Variants in MGST1 observed in about 807,000 individuals in gnomAD.
MGST1 encodes the protein microsomal glutathione S-transferase 1, also known as glutathione S-transferase 12.
Under a neutral mutation model 8.9 loss-of-function variants are expected in MGST1, and 5 were observed. That is an observed-to-expected ratio of 0.56 (90% confidence interval 0.29 to 1.19). MGST1 has a LOEUF of 1.19. Ranked by LOEUF, MGST1 falls within the 50% of genes most tolerant of loss-of-function variation. MGST1 has a pLI of 0.08. For synonymous variants in MGST1, 54 were observed against 67.8 expected (o/e 0.80, Z 1.00); for missense variants, 182 against 187.4 (o/e 0.97, Z 0.17).
At chr12:16,350,461 G>A (rs981203394) in intron 1 of MGST1, among the ~76,000 whole-genome samples, 2 of 152,002 alleles carry the variant, frequency 1.3e-5, no homozygotes, top group Non-Finnish European at 2.9e-5. Context: ...TTCATTCCTT[G>A]AATCCTCAAA....
chr12:16,496,844 C>T (rs1350613711), intron 4 of MGST1, among the ~76,000 whole-genome samples: 1 of 151,850 alleles, frequency 6.6e-6, no homozygotes, highest in African/African-American at 2.4e-5. Context: ...ATGCTGAATG[C>T]TGATAACAGG....
downstream of MGST1, among the ~76,000 whole-genome samples, chr12:16,441,519 T>C (rs543763076): frequency 6.6e-6 from 1 of 151,994 alleles, no homozygotes; most frequent in African/African-American, 2.4e-5. Flanking sequence ...TTGCTAGCGA[T>C]CATTGACTTT....
chr12:16,405,312 T>C (rs1476605026), intron 1 of MGST1, among the ~76,000 whole-genome samples: 1 of 151,898 alleles, frequency 6.6e-6, no homozygotes, highest in Non-Finnish European at 1.5e-5. Flanking sequence ...AACTAGATAA[T>C]CTAGAAGAAA....
rs1016584895 is a variant in MGST1 at position 16,546,893 on chromosome 12, C to T, written n.483-42635C>T. On this transcript the variant is annotated intron_variant and non_coding_transcript_variant, in intron 4 of 4. Transcript: ENST00000538857. This position sits in a 1 kb window ranked among gnomAD's most constrained non-coding sequence, Gnocchi z 4.7. ...TTGTGGTACCAAAATGCAAAACTGG[C>T]AATGATCATGCATATTTTAGTCTTC... is the stretch of plus-strand genomic sequence containing the variant. Among the ~76,000 whole-genome samples, 4 of 151,946 alleles carry T rather than the reference C, an allele frequency of 2.6e-5. No homozygotes were observed. The highest frequency in any genetic ancestry group is 5.9e-5 in the Non-Finnish European group (4 of 67,976).
chr12:16,426,714 G>A (rs1940892215), intron 1 of MGST1, among the ~76,000 whole-genome samples: 1 of 152,118 alleles, frequency 6.6e-6, no homozygotes, highest in Non-Finnish European at 1.5e-5. Context: ...CGCTTTGGGA[G>A]GCCGAGGCGG....
intron 4 of MGST1, among the ~76,000 whole-genome samples, chr12:16,554,646 C>G (rs1444050372): frequency 1.3e-5 from 2 of 152,270 alleles, no homozygotes; most frequent in East Asian, 3.9e-4. Flanking sequence ...TACTTTAAGT[C>G]CACTATATCT....
At chr12:16,565,544 T>G (rs1302480224) in intron 4 of MGST1, among the ~76,000 whole-genome samples, 1 of 152,112 alleles carries the variant, frequency 6.6e-6, no homozygotes, top group Non-Finnish European at 1.5e-5. Flanking sequence ...ATTATGAAAG[T>G]TAAAGAAAAG....
chr12:16,452,533 T>C (rs986607223), intron 4 of MGST1, among the ~76,000 whole-genome samples: 3 of 151,828 alleles, frequency 2.0e-5, no homozygotes, highest in African/African-American at 7.2e-5. Flanking sequence ...GAGAACTTTA[T>C]TGAGCAGCTC....
At chr12:16,370,438 T>C (rs568662221) in intron 3 of MGST1, 27 of 152,306 alleles carry the variant, frequency 1.8e-4, no homozygotes, top group African/African-American at 6.3e-4. Context: ...ACATATTAAA[T>C]GTAGACCAGA....
At chr12:16,437,708 A>G (rs1353394045) in exon 2 of MGST1, 1 of 152,068 alleles carries the variant, frequency 6.6e-6, no homozygotes, top group Non-Finnish European at 1.5e-5. Context: ...TGTTGCAAAC[A>G]TGCCCTGAGG....
intron 1 of MGST1, among the ~76,000 whole-genome samples, chr12:16,404,110 A>G (rs1940681308): frequency 6.6e-6 from 1 of 152,198 alleles, no homozygotes; most frequent in Non-Finnish European, 1.5e-5. Context: ...CATGCATTTT[A>G]AAGTCATGTT....
At chr12:16,510,217 A>G (rs962130845) in intron 4 of MGST1, among the ~76,000 whole-genome samples, 1 of 152,152 alleles carries the variant, frequency 6.6e-6, no homozygotes, top group African/African-American at 2.4e-5. Context: ...GTCTGCAGGC[A>G]TAACAGGAGA....
At chr12:16,407,145 A>G (rs1002561749) in intron 1 of MGST1, among the ~76,000 whole-genome samples, 10 of 152,242 alleles carry the variant, frequency 6.6e-5, no homozygotes, top group Admixed American at 2.6e-4. Context: ...AGAATAGGAG[A>G]AAATATTTGC....
chr12:16,426,070 A>G (rs1184268565), intron 1 of MGST1, among the ~76,000 whole-genome samples: 1 of 152,064 alleles, frequency 6.6e-6, no homozygotes, highest in Non-Finnish European at 1.5e-5. Context: ...GTAACCCTCC[A>G]CACTCCTAAT....
chr12:16,436,700 C>T (rs1299551854), intron 1 of MGST1, among the ~76,000 whole-genome samples: 2 of 152,012 alleles, frequency 1.3e-5, no homozygotes, highest in South Asian at 2.1e-4. Flanking sequence ...TTCACAAGAG[C>T]CTTATTGAAA....
intron 1 of MGST1, among the ~76,000 whole-genome samples, chr12:16,436,054 TA>T (rs1940983298): frequency 6.6e-6 from 1 of 151,704 alleles, no homozygotes. Flanking sequence ...TTGGCTCCAC[TA>T]AAATTATTTG....
intron 4 of MGST1, among the ~76,000 whole-genome samples, chr12:16,538,893 C>T (rs1186806988): frequency 6.6e-6 from 1 of 152,058 alleles, no homozygotes; most frequent in South Asian, 2.1e-4. Context: ...CAGGCATGAG[C>T]CACTGCACCC....
intron 4 of MGST1, among the ~76,000 whole-genome samples, chr12:16,533,442 T>G (rs1941734314): frequency 6.6e-6 from 1 of 152,184 alleles, no homozygotes; most frequent in Non-Finnish European, 1.5e-5. Context: ...CAGGAACATC[T>G]GCTTTTCTAT....
intron 4 of MGST1, among the ~76,000 whole-genome samples, chr12:16,569,471 A>G (rs1942734100): frequency 1.3e-5 from 2 of 152,170 alleles, no homozygotes; most frequent in African/African-American, 4.8e-5. Flanking sequence ...CTTTCAACAA[A>G]TAATTGTCAA....
Sources: allele counts gnomAD v4.1 joint callset (sites outside exome capture counted in the v4.1 genomes callset), GRCh38; gene constraint gnomAD v4.1.1; non-coding constraint Gnocchi (gnomAD v3.1); transcripts MANE v1.5; gene names NCBI Gene and HGNC (gene_info 2026-07-23, HGNC 2026-07-21).